The following OPN5 variants were observed in gnomAD, a reference collection of about 807,000 sequenced individuals.
OPN5 encodes the protein opsin 5.
In OPN5, 18 loss-of-function variants were observed where a neutral mutation model predicts 41.7. The ratio of observed to expected loss-of-function variants is 0.43; its 90% CI spans 0.30 to 0.64. The LOEUF (loss-of-function observed/expected upper bound fraction) is 0.64, where lower values mean the gene tolerates loss of function less well. Ranked by LOEUF, OPN5 falls within the 30% of genes least tolerant of loss-of-function variation. The pLI is 0.13. For synonymous variants in OPN5, 178 were observed against 164.3 expected (o/e 1.08, Z -0.64); for missense variants, 318 against 434.5 (o/e 0.73, Z 2.38).
chr6:47,786,802 T>C (rs6900985), intron 2 of OPN5, among the ~76,000 whole-genome samples, 168 bp downstream of exon 2: 67,622 of 152,144 alleles, frequency 0.44, 16,587 homozygotes, highest in East Asian at 0.87. Context: ...TGGGGTGCTG[T>C]CCGGCTGACA....
At chr6:47,822,127 A>AT (rs1337426693) in intron 6 of OPN5, among the ~76,000 whole-genome samples, 2 of 151,448 alleles carry the variant, frequency 1.3e-5, no homozygotes, top group Non-Finnish European at 2.9e-5. Flanking sequence ...AAAAAAAAAA[A>AT]ATGCAGGTGA....
At chr6:47,796,669 A>G (rs984970264) in intron 4 of OPN5, among the ~76,000 whole-genome samples, 7 of 152,156 alleles carry the variant, frequency 4.6e-5, no homozygotes, top group African/African-American at 7.2e-5. Flanking sequence ...TTTGGAGACC[A>G]CTAGTCTCAG....
intron 6 of OPN5, among the ~76,000 whole-genome samples, chr6:47,818,389 T>C (rs1192138670): frequency 1.3e-5 from 2 of 152,152 alleles, no homozygotes; most frequent in Non-Finnish European, 1.5e-5. Flanking sequence ...AGAAGAATAA[T>C]AGCACTGAAG....
chr6:47,801,194 G>T lies in OPN5; in HGVS notation c.756+5631G>T, dbSNP rs377388515. On this transcript the variant is annotated intron_variant, in intron 4 of 6. Coordinates refer to ENST00000371211, the Ensembl canonical transcript of OPN5. ...AAGGAAAATGCTGTGGGTCCTGTTT[G>T]CCACTGGACCCTACAGCGTGGCACC... 1.4e-4 allele frequency among the ~76,000 whole-genome samples: 22 copies of T among 152,294 alleles called. No homozygotes were observed. The East Asian group carries it at 1.7e-3, about 12-fold the overall frequency.
chr6:47,803,210 C>T (rs765263637), intron 4 of OPN5, among the ~76,000 whole-genome samples: 2 of 152,082 alleles, frequency 1.3e-5, no homozygotes, highest in Non-Finnish European at 2.9e-5. Context: ...TAAGTGTCAC[C>T]ACTCCTATTT....
At chr6:47,818,011 C>T (rs560021915) in intron 6 of OPN5, among the ~76,000 whole-genome samples, 3 of 152,196 alleles carry the variant, frequency 2.0e-5, no homozygotes, top group Admixed American at 6.5e-5. Context: ...AGCATTTCTT[C>T]GCATACAGCT....
chr6:47,817,224 A>G (rs1287731565), intron 6 of OPN5, among the ~76,000 whole-genome samples: 1 of 152,086 alleles, frequency 6.6e-6, no homozygotes, highest in Non-Finnish European at 1.5e-5. Flanking sequence ...CACGTTGCCT[A>G]TTTAGCTTTC....
chr6:47,793,930 C>A lies in OPN5; in HGVS notation c.422-1299C>A, dbSNP rs115049462. Reference sequence around the variant, plus strand: ...ATATTGTGGCTACATGATTGCCACCCCTATCTGGTTGGGCATGAAATTTGC... The same window carrying A: ...ATATTGTGGCTACATGATTGCCACCACTATCTGGTTGGGCATGAAATTTGC... On this transcript the variant is annotated intron_variant, in intron 3 of 6. Coordinates refer to ENST00000371211, the Ensembl canonical transcript of OPN5. 3.9e-3 allele frequency among the ~76,000 whole-genome samples: 597 copies of A among 152,056 alleles called. 6 individuals carry two copies. Among genetic ancestry groups the A allele is most frequent in the African/African-American group, 0.013 (535 of 41,458 alleles).
intron 6 of OPN5, among the ~76,000 whole-genome samples, chr6:47,816,298 T>C (rs1762428656): frequency 6.6e-6 from 1 of 152,164 alleles, no homozygotes; most frequent in East Asian, 1.9e-4. Context: ...TGTAATAGTT[T>C]TTAGATGAAG....
At chr6:47,795,558 A>G in exon 4 of OPN5, 1 of 1,610,506 alleles carries the variant, frequency 6.2e-7, no homozygotes, top group Non-Finnish European at 8.5e-7. Context: ...AATGAAACTG[A>G]CAAAGGTAAG....
intron 3 of OPN5, chr6:47,794,837 C>T (rs1773491097): frequency 1.2e-5 from 2 of 171,410 alleles, no homozygotes; most frequent in Non-Finnish European, 2.5e-5. Flanking sequence ...GTTTTAAAGA[C>T]ACAAGCCATG....
At chr6:47,784,196 G>A (rs1489455691) in intron 1 of OPN5, among the ~76,000 whole-genome samples, 2 of 152,128 alleles carry the variant, frequency 1.3e-5, no homozygotes, top group Non-Finnish European at 2.9e-5. Context: ...GTGAGGAGAG[G>A]GGTCGACTGG....
chr6:47,793,794 G>A (rs778013272), intron 3 of OPN5: 13 of 974,860 alleles, frequency 1.3e-5, no homozygotes, highest in Non-Finnish European at 1.5e-5. Flanking sequence ...CACCTCACAA[G>A]TAACCCTAAC....
intron 4 of OPN5, among the ~76,000 whole-genome samples, chr6:47,799,229 C>CATGATAT (rs771987558): frequency 6.6e-6 from 1 of 150,898 alleles, no homozygotes. Flanking sequence ...CACACACACA[C>CATGATAT]ACATGATATA....
chr6:47,824,161 G>GC, exon 7 of OPN5: 1 of 621,610 alleles, frequency 1.6e-6, no homozygotes, highest in Non-Finnish European at 2.9e-6. Flanking sequence ...CACCCTAGGA[G>GC]TATCCAAGTA....
At chr6:47,797,214 G>C (rs974793660) in intron 4 of OPN5, among the ~76,000 whole-genome samples, 2 of 152,148 alleles carry the variant, frequency 1.3e-5, no homozygotes, top group Non-Finnish European at 2.9e-5. Flanking sequence ...CCAGTTGACT[G>C]TTATGCTCAA....
Position 47,797,764 on chromosome 6 carries a change from T to G in OPN5, c.756+2201T>G, listed in dbSNP as rs141123621. On this transcript the variant is annotated intron_variant, in intron 4 of 6. Transcript: ENST00000371211. ...ATTGGCCTTGACACTTTGTTGGCCTTGCTCAATAAATCTGGGTCCTGATTG... is the reference window on the plus strand; with the variant it reads ...ATTGGCCTTGACACTTTGTTGGCCTGGCTCAATAAATCTGGGTCCTGATTG... Among the ~76,000 whole-genome samples the G allele has an allele frequency of 4.4e-3, 668 of 152,338 alleles. 5 individuals are homozygous for G. Among genetic ancestry groups the G allele is most frequent in the African/African-American group, 0.014 (572 of 41,584 alleles).
intron 6 of OPN5, among the ~76,000 whole-genome samples, chr6:47,818,248 A>G (rs143675227): frequency 1.3e-5 from 2 of 152,308 alleles, no homozygotes; most frequent in East Asian, 3.9e-4. Context: ...TAAATTTGTC[A>G]GCAAGCATGT....
At chr6:47,792,759 T>G (rs1156666500) in intron 3 of OPN5, among the ~76,000 whole-genome samples, 1 of 152,196 alleles carries the variant, frequency 6.6e-6, no homozygotes, top group Non-Finnish European at 1.5e-5. Flanking sequence ...TTGCTTTGAT[T>G]GTCAATCTGT....
Sources: allele counts gnomAD v4.1 joint callset (sites outside exome capture counted in the v4.1 genomes callset), GRCh38; gene constraint gnomAD v4.1.1; transcripts MANE v1.5; gene names NCBI Gene and HGNC (gene_info 2026-07-23, HGNC 2026-07-21).